Variants in PRIM2 observed in about 807,000 individuals in gnomAD.
PRIM2 encodes the protein DNA primase subunit 2.
In PRIM2, 39 loss-of-function variants were observed where a neutral mutation model predicts 67.3. That is an observed-to-expected ratio of 0.58 (90% CI 0.45 to 0.76). PRIM2 has a LOEUF of 0.76. PRIM2 is among the 30% of genes least tolerant of loss of function. The pLI, the probability that PRIM2 is intolerant of heterozygous loss-of-function variation, is 0.00. For missense variants in PRIM2, 398 were observed against 598.7 expected (o/e 0.66, Z 3.50); for synonymous variants, 143 against 198.7 (o/e 0.72, Z 2.36).
chr6:57,454,738 C>G lies in PRIM2; in HGVS notation c.694-52649C>G, dbSNP rs1010859781. The stretch of plus-strand genomic sequence containing the variant: ...TGTTGATCTTTTCAAAAAACCAGCT[C>G]CTGGATTCATTGATTTTTTGAAGGG... On this transcript the variant is annotated intron_variant, in intron 7 of 13. Coordinates refer to ENST00000615550, the MANE Select transcript of PRIM2 (RefSeq NM_000947.5). 2.6e-5 allele frequency among the ~76,000 whole-genome samples: 4 copies of G among 152,230 alleles called. No individual in the cohort carries two copies. In the South Asian group the frequency reaches 8.3e-4, roughly 32 times the overall value.
At chr6:57,281,952 A>G in the PRIM2 span, among the ~76,000 whole-genome samples, 73 of 152,328 alleles carry the variant, frequency 4.8e-4, no homozygotes, top group African/African-American at 1.8e-3. Context: ...TTTATGCTCA[A>G]TTCTAAAGTC....
the PRIM2 span, among the ~76,000 whole-genome samples, chr6:57,244,028 C>CA: frequency 2.0e-5 from 3 of 152,170 alleles, no homozygotes; most frequent in African/African-American, 7.2e-5. Flanking sequence ...GAAGCAGTCA[C>CA]ATATTCTGTT....
At chr6:57,341,521 C>T (rs1270129479) in intron 5 of PRIM2, among the ~76,000 whole-genome samples, 2 of 152,120 alleles carry the variant, frequency 1.3e-5, no homozygotes, top group African/African-American at 2.4e-5. Context: ...GTAATTAAGG[C>T]ACTTGAATTC....
At chr6:57,334,589 A>C (rs1768160618) in intron 5 of PRIM2, among the ~76,000 whole-genome samples, 2 of 152,242 alleles carry the variant, frequency 1.3e-5, no homozygotes, top group Admixed American at 1.3e-4. Flanking sequence ...ACTTGAGCCC[A>C]GGTGTTGGAG....
At chr6:57,316,981 C>T (rs757024981), upstream of PRIM2, among the ~76,000 whole-genome samples, 1 of 152,326 alleles carries the variant, frequency 6.6e-6, no homozygotes, top group East Asian at 1.9e-4. Flanking sequence ...GAGGCATTGC[C>T]GGAGAGCGGG....
chr6:57,548,493 A>C (rs1775333201), intron 10 of PRIM2, among the ~76,000 whole-genome samples: 1 of 152,190 alleles, frequency 6.6e-6, no homozygotes, highest in East Asian at 1.9e-4. Context: ...ATACTTGAGG[A>C]AACAAGGCCT....
chr6:57,360,271 T>C (rs9475873), intron 5 of PRIM2, among the ~76,000 whole-genome samples: 1 of 152,222 alleles, frequency 6.6e-6, no homozygotes, highest in Non-Finnish European at 1.5e-5. Flanking sequence ...GAAACAATCA[T>C]AAGTTACTAT....
At chr6:57,542,222 C>T (rs1360034561) in intron 10 of PRIM2, among the ~76,000 whole-genome samples, 3 of 152,164 alleles carry the variant, frequency 2.0e-5, no homozygotes, top group Admixed American at 6.5e-5. Context: ...GTGATCCACC[C>T]GCCTTGGCCT....
chr6:57,398,742 G>A (rs1770607109), intron 7 of PRIM2, among the ~76,000 whole-genome samples: 1 of 152,088 alleles, frequency 6.6e-6, no homozygotes, highest in Non-Finnish European at 1.5e-5. Context: ...ACTGTTGGTG[G>A]AATGTTGAAG....
At chr6:57,403,021 C>G (rs550735280) in intron 7 of PRIM2, among the ~76,000 whole-genome samples, 1 of 151,928 alleles carries the variant, frequency 6.6e-6, no homozygotes, top group Non-Finnish European at 1.5e-5. Flanking sequence ...AAAAATTACA[C>G]ATTATATATA....
At chr6:57,462,223 C>G (rs1405364012) in intron 7 of PRIM2, among the ~76,000 whole-genome samples, 1 of 151,976 alleles carries the variant, frequency 6.6e-6, no homozygotes, top group Non-Finnish European at 1.5e-5. Flanking sequence ...TAAAATAAAA[C>G]CTAAGGAGGT....
At chr6:57,644,036 T>C (rs1460685392) in intron 13 of PRIM2, among the ~76,000 whole-genome samples, 5 of 152,156 alleles carry the variant, frequency 3.3e-5, no homozygotes, top group African/African-American at 1.2e-4. Flanking sequence ...TTTAATCTAC[T>C]AAAAGATTAT....
At chr6:57,361,415 G>T (rs1769195333) in intron 5 of PRIM2, among the ~76,000 whole-genome samples, 1 of 151,810 alleles carries the variant, frequency 6.6e-6, no homozygotes, top group Non-Finnish European at 1.5e-5. Flanking sequence ...ACCAAGGGGA[G>T]GAAGCTTGGT....
intron 10 of PRIM2, among the ~76,000 whole-genome samples, chr6:57,575,196 A>G (rs1467677265): frequency 6.6e-6 from 1 of 152,204 alleles, no homozygotes. Flanking sequence ...AATCAGGGCT[A>G]GAAGGACCAT....
intron 7 of PRIM2, among the ~76,000 whole-genome samples, chr6:57,407,894 C>A (rs1249303511): frequency 6.6e-6 from 1 of 152,146 alleles, no homozygotes; most frequent in Non-Finnish European, 1.5e-5. Context: ...CTCAATTTAA[C>A]CCTGTTGGCA....
chr6:57,496,379 T>C lies in PRIM2; in HGVS notation c.694-11008T>C, dbSNP rs1723159859. Among the ~76,000 whole-genome samples the C allele has an allele frequency of 1.4e-4, 21 of 152,336 alleles. No homozygotes were observed. The South Asian group carries it at 4.3e-3, about 32-fold the overall frequency. Reference sequence around the variant, plus strand: ...GCTCAGCAGGAAGTTAAAGGAATCATGGCCTATACTGCTGACAGAAGATAC... The same window carrying C: ...GCTCAGCAGGAAGTTAAAGGAATCACGGCCTATACTGCTGACAGAAGATAC... On this transcript the variant is annotated intron_variant, in intron 7 of 13. Coordinates refer to ENST00000615550, the MANE Select transcript of PRIM2 (RefSeq NM_000947.5).
chr6:57,521,185 A>T (rs1774611681), intron 8 of PRIM2, among the ~76,000 whole-genome samples: 1 of 152,074 alleles, frequency 6.6e-6, no homozygotes, highest in Non-Finnish European at 1.5e-5. Flanking sequence ...TGGAGAAAAA[A>T]ACCCAAACTC....
At chr6:57,488,262 GA>G (rs1773798765) in intron 7 of PRIM2, among the ~76,000 whole-genome samples, 1 of 152,160 alleles carries the variant, frequency 6.6e-6, no homozygotes, top group Non-Finnish European at 1.5e-5. Context: ...TGGAAAAGGA[GA>G]ACCCCACTAG....
the PRIM2 span, among the ~76,000 whole-genome samples, chr6:57,252,923 G>A: frequency 6.6e-6 from 1 of 152,092 alleles, no homozygotes; most frequent in African/African-American, 2.4e-5. Context: ...ATCTGTTTAT[G>A]GAAGGAAAGA....
Sources: gnomAD v4.1 joint callset for allele counts (sites outside exome capture counted in the v4.1 genomes callset) on GRCh38, gnomAD v4.1.1 for gene constraint, MANE v1.5 for transcripts, NCBI Gene and HGNC (gene_info 2026-07-23, HGNC 2026-07-21) for gene names.